CSMD1: variants seen among roughly 807,000 people sequenced by gnomAD.
CSMD1 encodes CUB and Sushi multiple domains 1, also known as CUB and sushi domain-containing protein 1.
Under a neutral mutation model 417.5 loss-of-function variants are expected in CSMD1, and 213 were observed. That is an observed-to-expected ratio of 0.51 (90% CI 0.46 to 0.57). The LOEUF is 0.57. Among genes scored for constraint, CSMD1 ranks in the 20% least tolerant of loss-of-function variants. The pLI is 0.00. For missense variants in CSMD1, 6,923 were observed against 4,529.7 expected, an observed-to-expected ratio of 1.53 and a Z score of -15.17; for synonymous variants, 2,862 against 1,736.8, an observed-to-expected ratio of 1.65 and a Z score of -16.11.
At position 3,249,429 on chromosome 8, in the gene CSMD1, G is replaced by A. The variant is rs1800113570; in HGVS notation, c.4154-19198C>T. ...AGTAGTGATGGCGTTTCACCATGTTGGCCAGGCTGGCCTTGAACTCCTGAC... is the reference window on the plus strand; with the variant it reads ...AGTAGTGATGGCGTTTCACCATGTTAGCCAGGCTGGCCTTGAACTCCTGAC... On this transcript the variant is annotated intron_variant, in intron 26 of 69. Coordinates refer to ENST00000635120, the MANE Select transcript of CSMD1 (RefSeq NM_033225.6). Among the ~76,000 whole-genome samples, 4 of 152,184 alleles carry A rather than the reference G, an allele frequency of 2.6e-5. No individual in the cohort carries two copies. In the South Asian group the frequency reaches 8.3e-4, roughly 32 times the overall value.
chr8:4,188,132 A>G (rs761306565), intron 3 of CSMD1, among the ~76,000 whole-genome samples: 1 of 152,160 alleles, frequency 6.6e-6, no homozygotes, highest in African/African-American at 2.4e-5. Context: ...GTTTTAAGGT[A>G]CTGCCACACA....
At chr8:4,679,616 T>G (rs1805911309) in intron 1 of CSMD1, among the ~76,000 whole-genome samples, 1 of 152,180 alleles carries the variant, frequency 6.6e-6, no homozygotes, top group African/African-American at 2.4e-5. Context: ...CCTTCTTTAA[T>G]GATAATGTAT....
chr8:4,339,149 G>A (rs1389075744), intron 3 of CSMD1, among the ~76,000 whole-genome samples: 1 of 152,082 alleles, frequency 6.6e-6, no homozygotes, highest in East Asian at 1.9e-4. Flanking sequence ...AATGCTATCA[G>A]CTATGAAAAT....
At chr8:4,352,182 T>A (rs1045716729) in intron 3 of CSMD1, among the ~76,000 whole-genome samples, 1 of 152,152 alleles carries the variant, frequency 6.6e-6, no homozygotes, top group Non-Finnish European at 1.5e-5. Context: ...TAGGTTCTCA[T>A]TGCCTGGGAT....
chr8:4,431,729 T>C (rs566107365), intron 2 of CSMD1, among the ~76,000 whole-genome samples: 3 of 152,328 alleles, frequency 2.0e-5, no homozygotes, highest in South Asian at 2.1e-4. Context: ...ATGGAATCAA[T>C]TGTTGTTCTA....
chr8:3,965,710 C>A (rs914172178), intron 5 of CSMD1, among the ~76,000 whole-genome samples: 29 of 152,098 alleles, frequency 1.9e-4, no homozygotes, highest in Admixed American at 3.3e-4. Context: ...CTCTGCCTCC[C>A]ACTTTCCGGA....
At chr8:3,081,375 T>C (rs1172042517) in intron 49 of CSMD1, among the ~76,000 whole-genome samples, 2 of 152,216 alleles carry the variant, frequency 1.3e-5, no homozygotes, top group Admixed American at 1.3e-4. Context: ...GAATGTCAAC[T>C]CAAGGATGAA....
chr8:3,526,930 G>C (rs929818624), intron 10 of CSMD1, among the ~76,000 whole-genome samples: 3 of 152,116 alleles, frequency 2.0e-5, no homozygotes, highest in East Asian at 1.9e-4. Context: ...GTGTCCAGGG[G>C]ATAAGATCTT....
intron 5 of CSMD1, among the ~76,000 whole-genome samples, chr8:3,954,891 C>A (rs747333889): frequency 1.3e-5 from 2 of 152,148 alleles, no homozygotes; most frequent in East Asian, 3.9e-4. Flanking sequence ...GTGGAGGGTA[C>A]GTGGAAACTC....
At chr8:2,951,414 G>T in intron 65 of CSMD1, 139 bp from the exon 66 acceptor site, 1 of 849,248 alleles carries the variant, frequency 1.2e-6, no homozygotes, top group Non-Finnish European at 1.7e-6. Context: ...GGAGCCTAGT[G>T]CATCGCTGTT....
chr8:3,142,306 C>A (rs1409005426), intron 41 of CSMD1, among the ~76,000 whole-genome samples, 159 bp downstream of exon 41: 3 of 152,200 alleles, frequency 2.0e-5, no homozygotes, highest in Non-Finnish European at 4.4e-5. Context: ...TTTTCAAAAA[C>A]AACAAGTGTT....
intron 9 of CSMD1, among the ~76,000 whole-genome samples, chr8:3,579,817 C>T (rs1012987614): frequency 2.6e-5 from 4 of 152,196 alleles, no homozygotes; most frequent in Non-Finnish European, 5.9e-5. Context: ...TGACATATCA[C>T]AGCAAGGCCA....
At chr8:3,831,562 G>C (rs1334402782) in intron 5 of CSMD1, among the ~76,000 whole-genome samples, 1 of 152,100 alleles carries the variant, frequency 6.6e-6, no homozygotes, top group South Asian at 2.1e-4. Flanking sequence ...ATGCCTCTGT[G>C]CTCACTACAG....
intron 3 of CSMD1, among the ~76,000 whole-genome samples, chr8:4,396,417 A>C (rs1804217084): frequency 6.6e-6 from 1 of 152,146 alleles, no homozygotes; most frequent in African/African-American, 2.4e-5. Flanking sequence ...CAGTGAACCA[A>C]GACTGCACCA....
At chr8:4,757,560 G>T in intron 1 of CSMD1, among the ~76,000 whole-genome samples, 1 of 152,118 alleles carries the variant, frequency 6.6e-6, no homozygotes, top group East Asian at 1.9e-4. Flanking sequence ...AGACTATTCT[G>T]GATAGGCTAA....
At chr8:3,834,738 C>T (rs143520575) in intron 5 of CSMD1, among the ~76,000 whole-genome samples, 19 of 151,936 alleles carry the variant, frequency 1.3e-4, no homozygotes, top group South Asian at 6.2e-4. Flanking sequence ...GCTCCATTCT[C>T]GGAGGTGGAG....
chr8:3,468,861 G>C (rs965927106), intron 11 of CSMD1, 37 bp from the exon 12 acceptor site: 2 of 1,388,720 alleles, frequency 1.4e-6, no homozygotes, highest in Non-Finnish European at 2.0e-6. Context: ...TTTAGGTAAG[G>C]CAACAAGTAC....
intron 2 of CSMD1, among the ~76,000 whole-genome samples, chr8:4,462,709 T>C (rs1799909938): frequency 6.6e-6 from 1 of 152,204 alleles, no homozygotes; most frequent in Non-Finnish European, 1.5e-5. Context: ...ATTTGATTTT[T>C]GACAAGATGC....
At chr8:3,896,779 G>C (rs537132360) in intron 5 of CSMD1, among the ~76,000 whole-genome samples, 24 of 152,128 alleles carry the variant, frequency 1.6e-4, no homozygotes, top group African/African-American at 5.5e-4. Context: ...TAAACAGCAA[G>C]TATATTGTCT....
Sources: gnomAD v4.1 joint callset for allele counts (sites outside exome capture counted in the v4.1 genomes callset) on GRCh38, gnomAD v4.1.1 for gene constraint, MANE v1.5 for transcripts, NCBI Gene and HGNC (gene_info 2026-07-23, HGNC 2026-07-21) for gene names.